INPP1: variants seen among roughly 807,000 people sequenced by gnomAD.
The protein encoded by INPP1 is inositol polyphosphate 1-phosphatase.
Under a neutral mutation model 23.0 loss-of-function variants are expected in INPP1, and 18 were observed. The observed-to-expected ratio is 0.78, with a 90% CI of 0.54 to 1.16. The LOEUF (loss-of-function observed/expected upper bound fraction) is 1.16, where lower values mean the gene tolerates loss of function less well. Among genes scored for constraint, INPP1 ranks in the 50% most tolerant of loss-of-function variants. The pLI is 0.00. For missense variants in INPP1, 448 were observed against 482.1 expected (o/e 0.93, Z 0.66); for synonymous variants, 164 against 176.3 (o/e 0.93, Z 0.55).
At chr2:190,364,023 C>T (rs1391291798) in intron 4 of INPP1, among the ~76,000 whole-genome samples, 1 of 152,174 alleles carries the variant, frequency 6.6e-6, no homozygotes, top group Non-Finnish European at 1.5e-5. Context: ...TAATTTCTTC[C>T]TTTGAATGAT....
Position 190,354,463 on chromosome 2 carries a change from G to A in INPP1, c.-65+5432G>A, listed in dbSNP as rs1689380533. ...TGCAGATAGGACCTTTAAAGTTTAT[G>A]TGAGGTCATACAGGCGGATCCTTAT... On this transcript the variant is annotated intron_variant, in intron 2 of 6. Coordinates refer to ENST00000392329, the MANE Select transcript of INPP1 (RefSeq NM_001128928.2). The surrounding 1 kb of genome is among the most constrained non-coding windows in gnomAD (Gnocchi z 4.8). Among the ~76,000 whole-genome samples, 1 of 152,192 alleles carries A rather than the reference G, an allele frequency of 6.6e-6. No individual in the cohort carries two copies. Among genetic ancestry groups the A allele is most frequent in the African/African-American group, 2.4e-5 (1 of 41,430 alleles).
Position 190,345,154 on chromosome 2 carries a change from A to G in INPP1, c.-209+1193A>G, listed in dbSNP as rs1689191017. On this transcript the variant is annotated intron_variant, in intron 1 of 6. Transcript: ENST00000392329. The surrounding 1 kb of genome is among the most constrained non-coding windows in gnomAD (Gnocchi z 4.9). ...TATTTTTAAGTTTTTATGGATTTTT[A>G]TACTACTTTTGAAGTCAGCTTAGTC... Among the ~76,000 whole-genome samples the G allele has an allele frequency of 6.6e-6, 1 of 152,194 alleles. No homozygotes were observed. Among genetic ancestry groups the G allele is most frequent in the African/African-American group, 2.4e-5 (1 of 41,450 alleles).
chr2:190,354,483 C>A lies in INPP1; in HGVS notation c.-65+5452C>A, dbSNP rs1237395195. ...TTTATGTGAGGTCATACAGGCGGAT[C>A]CTTATCCAGTCTGACTGGCGTCCTT... is the stretch of plus-strand genomic sequence containing the variant. On this transcript the variant is annotated intron_variant, in intron 2 of 6. Coordinates refer to ENST00000392329, the MANE Select transcript of INPP1 (RefSeq NM_001128928.2). This position sits in a 1 kb window ranked among gnomAD's most constrained non-coding sequence, Gnocchi z 4.8. Among the ~76,000 whole-genome samples the A allele has an allele frequency of 6.6e-6, 1 of 152,152 alleles. No individual in the cohort carries two copies. Among genetic ancestry groups the A allele is most frequent in the Non-Finnish European group, 1.5e-5 (1 of 68,028 alleles).
At chr2:190,357,558 A>G (rs1056383048) in intron 2 of INPP1, among the ~76,000 whole-genome samples, 4 of 152,220 alleles carry the variant, frequency 2.6e-5, no homozygotes, top group Admixed American at 1.3e-4. Flanking sequence ...ATATTCTTCA[A>G]AAACATGATT....
At chr2:190,364,490 G>C (rs1026957840) in intron 4 of INPP1, among the ~76,000 whole-genome samples, 5 of 151,024 alleles carry the variant, frequency 3.3e-5, no homozygotes, top group East Asian at 4.0e-4. Context: ...TGCAGTGAGC[G>C]GAGATCGCAC....
At chr2:190,344,037 C>A (rs980557708) in intron 1 of INPP1, 76 bp downstream of exon 1, 2 of 331,510 alleles carry the variant, frequency 6.0e-6, no homozygotes, top group African/African-American at 2.3e-5. Context: ...ATCTGGGGCC[C>A]GGGCTGGTGA....
chr2:190,348,825 A>C (rs1443941808), intron 1 of INPP1, 63 bp from the exon 2 acceptor site: 1 of 152,228 alleles, frequency 6.6e-6, no homozygotes, highest in African/African-American at 2.4e-5. Context: ...AAATCATCCA[A>C]TCCAACCTCT....
rs1043789092 is a variant in INPP1, at chr2:190,345,377, T to TA, written c.-209+1418dup. On this transcript the variant is annotated intron_variant, in intron 1 of 6. Coordinates refer to ENST00000392329, the MANE Select transcript of INPP1 (RefSeq NM_001128928.2). The surrounding 1 kb of genome is among the most constrained non-coding windows in gnomAD (Gnocchi z 4.9). ...TATAGTCCTGAAAAAAATGAAAAGATAATTTCTTGTTTGACATAGAAGGCC... is the reference window on the plus strand; with the variant it reads ...TATAGTCCTGAAAAAAATGAAAAGATAAATTTCTTGTTTGACATAGAAGGCC... 1 of 152,246 alleles carries TA rather than the reference T, an allele frequency of 6.6e-6. No homozygotes were observed. The highest frequency in any genetic ancestry group is 2.4e-5 in the African/African-American group (1 of 41,478). The allele number at this position is 152,246 out of a possible 1,614,324, so 9.4% of individuals were successfully genotyped here. A position where few individuals can be genotyped will look rare whatever the true frequency, so the allele number is the denominator to read the frequency against.
Position 190,371,460 on chromosome 2 carries a change from C to T in INPP1, c.*58C>T, listed in dbSNP as rs550439981. The stretch of plus-strand genomic sequence containing the variant: ...TGAACTGTGAAACTGTTTCGGTTAT[C>T]TCTGTCTTTTGAGGATGGCTTTGTC... On this transcript the variant is annotated 3_prime_UTR_variant, in exon 7 of 7. Coordinates refer to ENST00000392329, the MANE Select transcript of INPP1 (RefSeq NM_001128928.2). This position sits in a 1 kb window ranked among gnomAD's most constrained non-coding sequence, Gnocchi z 5.3. The T allele has an allele frequency of 3.0e-6, 4 of 1,355,800 alleles. No homozygotes were observed. The African/African-American group carries it at 5.8e-5, about 20-fold the overall frequency. 84.0% of individuals were successfully genotyped at this position (1,355,800 alleles called of 1,614,324 possible).
rs1689693211 is a variant in INPP1 at position 190,367,006 on chromosome 2, G to T, written c.466+111G>T. The T allele has an allele frequency of 4.4e-6, 3 of 685,474 alleles. No individual in the cohort carries two copies. In the East Asian group the frequency reaches 8.1e-5, roughly 18 times the overall value. 42.5% of individuals were successfully genotyped at this position (685,474 alleles called of 1,614,324 possible). On this transcript the variant is annotated intron_variant, in intron 5 of 6. Transcript: ENST00000392329. This position sits in a 1 kb window ranked among gnomAD's most constrained non-coding sequence, Gnocchi z 4.1. ...TATTGAGTGTAGTTTAACTCTGCTA[G>T]AAGTTTTTAAAATTTTAAAGTTTTA...
In INPP1 at chr2:190,355,228, A is replaced by G. The variant is rs1399409801; in HGVS notation, c.-64-4811A>G. Among the ~76,000 whole-genome samples, 4 of 152,204 alleles carry G rather than the reference A, an allele frequency of 2.6e-5. No individual in the cohort carries two copies. The highest frequency in any genetic ancestry group is 7.2e-5 in the African/African-American group (3 of 41,440). ...AATAGTACCTACTTCCTAAGGTTAT[A>G]TAAGAATTAAATGAGTTAATACATG... On this transcript the variant is annotated intron_variant, in intron 2 of 6. Coordinates refer to ENST00000392329, the MANE Select transcript of INPP1 (RefSeq NM_001128928.2). This position sits in a 1 kb window ranked among gnomAD's most constrained non-coding sequence, Gnocchi z 5.1.
intron 4 of INPP1, chr2:190,364,989 T>C (rs1424158407): frequency 1.3e-5 from 2 of 159,282 alleles, no homozygotes; most frequent in Non-Finnish European, 2.9e-5. Flanking sequence ...GCTACCTAGA[T>C]AGCTACTAGA....
rs1036550302 is a variant in INPP1 at position 190,363,189 on chromosome 2, A to C, written c.265+502A>C. ...TCTCTAAGTCTCAGAACCTCTGTGA[A>C]GTACTTGGATTAACTAAAAGATTCC... On this transcript the variant is annotated intron_variant, in intron 4 of 6. Transcript: ENST00000392329. The surrounding 1 kb of genome is among the most constrained non-coding windows in gnomAD (Gnocchi z 4.4). 6.6e-6 allele frequency among the ~76,000 whole-genome samples: 1 copy of C among 152,188 alleles called. No homozygotes were observed. The highest frequency in any genetic ancestry group is 1.5e-5 in the Non-Finnish European group (1 of 68,042).
rs1689409466 is a variant in INPP1, at chr2:190,355,763, AATG to A, written c.-64-4271_-64-4269del. ...TGTTGAAATAAAGTGGTCTTAGGTG[AATG>A]ATGAGTATGTAAACTTACTTTTTAA... On this transcript the variant is annotated intron_variant, in intron 2 of 6. Coordinates refer to ENST00000392329, the MANE Select transcript of INPP1 (RefSeq NM_001128928.2). The surrounding 1 kb of genome is among the most constrained non-coding windows in gnomAD (Gnocchi z 5.1). Among the ~76,000 whole-genome samples, 1 of 152,164 alleles carries A rather than the reference AATG, an allele frequency of 6.6e-6. No individual in the cohort carries two copies.
intron 1 of INPP1, among the ~76,000 whole-genome samples, chr2:190,347,951 A>G (rs1203360546): frequency 6.6e-6 from 1 of 152,252 alleles, no homozygotes; most frequent in Non-Finnish European, 1.5e-5. Context: ...CAGCCTGGCC[A>G]ACATGGCGAA....
At position 190,360,196 on chromosome 2, in the gene INPP1, C is replaced by T. The variant is rs1689507894; in HGVS notation, c.94C>T (p.Leu32=). The change falls in exon 3 of 7, where the codon CTG becomes TTG. Residue 32 remains leucine (L), a synonymous_variant. Coordinates refer to ENST00000392329, the MANE Select transcript of INPP1 (RefSeq NM_001128928.2). ...CRQQEALFQL[L]IEEKKEGEKN... ...ACAGCAGGAAGCCCTCTTCCAGCTG[C>T]TGATCGAAGAAAAGAAAGAGGGAGA... is the stretch of plus-strand genomic sequence containing the variant. 1 of 1,614,030 alleles carries T rather than the reference C, an allele frequency of 6.2e-7. No individual in the cohort carries two copies. Among genetic ancestry groups the T allele is most frequent in the African/African-American group, 1.3e-5 (1 of 74,914 alleles).
rs1486434277 is a variant in INPP1 at position 190,345,853 on chromosome 2, G to A, written c.-209+1892G>A. Among the ~76,000 whole-genome samples the A allele has an allele frequency of 6.6e-6, 1 of 152,140 alleles. No individual in the cohort carries two copies. The highest frequency in any genetic ancestry group is 1.9e-4 in the East Asian group (1 of 5,186). ...TAGTAAAAATACAAAAATTAGCCAG[G>A]CGTGGTAGCAAGCACCTGTAGTCCC... On this transcript the variant is annotated intron_variant, in intron 1 of 6. Transcript: ENST00000392329. This position sits in a 1 kb window ranked among gnomAD's most constrained non-coding sequence, Gnocchi z 4.9.
intron 2 of INPP1, among the ~76,000 whole-genome samples, chr2:190,353,937 A>G (rs1024941593): frequency 4.6e-5 from 7 of 152,232 alleles, no homozygotes; most frequent in Non-Finnish European, 8.8e-5. Context: ...ACATACTTCA[A>G]TTCCTTTAGT....
intron 3 of INPP1, among the ~76,000 whole-genome samples, chr2:190,360,580 C>T (rs2067408): frequency 0.41 from 62,558 of 152,038 alleles, 14,890 homozygotes; most frequent in African/African-American, 0.66. Context: ...TAGAACCTTC[C>T]ACTTACTAAT....
Sources: allele counts gnomAD v4.1 joint callset (sites outside exome capture counted in the v4.1 genomes callset), GRCh38; gene constraint gnomAD v4.1.1; non-coding constraint Gnocchi (gnomAD v3.1); transcripts MANE v1.5; gene names NCBI Gene and HGNC (gene_info 2026-07-23, HGNC 2026-07-21).